Variants in THSD7B observed in about 807,000 individuals in gnomAD.
THSD7B encodes the protein thrombospondin type 1 domain containing 7B.
A neutral mutation model predicts 213.6 loss-of-function variants in THSD7B; 138 were observed. The ratio of observed to expected loss-of-function variants is 0.65; its 90% CI spans 0.56 to 0.74. The LOEUF (loss-of-function observed/expected upper bound fraction) is 0.74. THSD7B is among the 30% of genes least tolerant of loss of function. The pLI, the probability that THSD7B is intolerant of heterozygous loss-of-function variation, is 0.00. For synonymous variants in THSD7B, 742 were observed against 687.0 expected (o/e 1.08, Z -1.25); for missense variants, 1,931 against 1,991.5 (o/e 0.97, Z 0.58).
intron 7 of THSD7B, among the ~76,000 whole-genome samples, chr2:137,194,416 C>A (rs1680720398): frequency 6.6e-6 from 1 of 152,202 alleles, no homozygotes; most frequent in Non-Finnish European, 1.5e-5. Flanking sequence ...GACTTAAAAA[C>A]CCACACATGA....
At chr2:137,052,066 A>G (rs1487640878) in intron 2 of THSD7B, among the ~76,000 whole-genome samples, 1 of 152,218 alleles carries the variant, frequency 6.6e-6, no homozygotes, top group Non-Finnish European at 1.5e-5. Context: ...ACAGGCAGAA[A>G]AAAAGACAAA....
intron 20 of THSD7B, among the ~76,000 whole-genome samples, chr2:137,627,789 T>C (rs1185505981): frequency 1.3e-5 from 2 of 152,174 alleles, no homozygotes; most frequent in East Asian, 3.9e-4. Flanking sequence ...TGTCCAACAA[T>C]AATATGTAAT....
chr2:137,623,528 G>C (rs1682562015), intron 20 of THSD7B, among the ~76,000 whole-genome samples: 1 of 152,154 alleles, frequency 6.6e-6, no homozygotes, highest in South Asian at 2.1e-4. Context: ...AGGAAAAGAG[G>C]AAGTCAAATT....
At chr2:137,116,999 G>A (rs1321570993) in intron 5 of THSD7B, among the ~76,000 whole-genome samples, 1 of 152,184 alleles carries the variant, frequency 6.6e-6, no homozygotes, top group Non-Finnish European at 1.5e-5. Flanking sequence ...CAGGGGGAAA[G>A]GCTGGATGTG....
intron 1 of THSD7B, among the ~76,000 whole-genome samples, chr2:136,792,024 C>T (rs1681973613): frequency 6.6e-6 from 1 of 152,038 alleles, no homozygotes; most frequent in South Asian, 2.1e-4. Flanking sequence ...TTCTCCACCT[C>T]CTTGCTAACC....
chr2:137,254,775 C>T (rs1201303444), intron 10 of THSD7B, among the ~76,000 whole-genome samples: 1 of 152,020 alleles, frequency 6.6e-6, no homozygotes, highest in East Asian at 1.9e-4. Context: ...ATTTTTTCTA[C>T]CCCAAGTAAA....
At chr2:137,146,768 G>T (rs184076097) in intron 5 of THSD7B, among the ~76,000 whole-genome samples, 1 of 152,196 alleles carries the variant, frequency 6.6e-6, no homozygotes, top group Admixed American at 6.5e-5. Context: ...TATCATAAGG[G>T]AGGAAAAGAC....
At chr2:137,437,701 G>C (rs1317035971) in intron 14 of THSD7B, among the ~76,000 whole-genome samples, 1 of 152,122 alleles carries the variant, frequency 6.6e-6, no homozygotes, top group Non-Finnish European at 1.5e-5. Flanking sequence ...AGATTTCAAT[G>C]TAACTGTTTT....
chr2:137,578,167 C>T (rs566482356), intron 17 of THSD7B, among the ~76,000 whole-genome samples: 22 of 152,206 alleles, frequency 1.4e-4, no homozygotes, highest in Admixed American at 5.2e-4. Flanking sequence ...ATGAAAGGAA[C>T]GAGATTCCAA....
At position 137,225,505 on chromosome 2, in the gene THSD7B, C is replaced by T. The variant is rs150254434; in HGVS notation, c.1724-5539C>T. Among the ~76,000 whole-genome samples the T allele has an allele frequency of 7.5e-3, 1,146 of 152,272 alleles. 4 individuals carry two copies. The highest frequency in any genetic ancestry group is 0.015 in the Admixed American group (232 of 15,298). ...CAATGGATAAGAACTGAGCTTATTA[C>T]ATATTGCAGATCTGCTTTCCAAACC... On this transcript the variant is annotated intron_variant, in intron 7 of 27. Coordinates refer to ENST00000409968, the MANE Select transcript of THSD7B (RefSeq NM_001316349.2).
intron 2 of THSD7B, among the ~76,000 whole-genome samples, chr2:136,978,984 G>A (rs776096722): frequency 2.0e-5 from 3 of 151,568 alleles, no homozygotes; most frequent in African/African-American, 4.8e-5. Context: ...AGCCAGGCCT[G>A]GTGGTGATGA....
chr2:137,147,995 G>C (rs1232202560), intron 5 of THSD7B, among the ~76,000 whole-genome samples: 2 of 151,996 alleles, frequency 1.3e-5, no homozygotes, highest in South Asian at 2.1e-4. Context: ...AGTGATGTTA[G>C]GTGCTTGATA....
At chr2:137,425,099 GATAATA>G (rs35350170) in intron 14 of THSD7B, among the ~76,000 whole-genome samples, 22 of 147,344 alleles carry the variant, frequency 1.5e-4, no homozygotes, top group African/African-American at 4.7e-4. Context: ...TAATAATAAT[GATAATA>G]ATAATAATAC....
chr2:137,170,285 C>T (rs941072335), intron 6 of THSD7B, among the ~76,000 whole-genome samples: 15 of 152,002 alleles, frequency 9.9e-5, no homozygotes, highest in South Asian at 6.2e-4. Flanking sequence ...AGATAAATCT[C>T]GGAGCAGGAA....
intron 12 of THSD7B, among the ~76,000 whole-genome samples, chr2:137,349,194 G>A (rs1394299496): frequency 6.6e-6 from 1 of 151,630 alleles, no homozygotes. Flanking sequence ...ATTGCTTTGG[G>A]AAATCATATG....
intron 19 of THSD7B, among the ~76,000 whole-genome samples, chr2:137,619,191 C>T (rs965945053): frequency 2.0e-5 from 3 of 152,180 alleles, no homozygotes; most frequent in African/African-American, 7.2e-5. Flanking sequence ...TACTATCACA[C>T]TTCAAGAATC....
chr2:137,182,041 T>G (rs1680465708), intron 7 of THSD7B, among the ~76,000 whole-genome samples: 1 of 152,148 alleles, frequency 6.6e-6, no homozygotes, highest in Non-Finnish European at 1.5e-5. Flanking sequence ...AAACTTCAGG[T>G]AAATAGAAAA....
intron 1 of THSD7B, among the ~76,000 whole-genome samples, chr2:136,770,490 T>C (rs1681485559): frequency 6.6e-6 from 1 of 152,174 alleles, no homozygotes; most frequent in Non-Finnish European, 1.5e-5. Flanking sequence ...CTCCAGTAGG[T>C]CAATGAGTAT....
intron 1 of THSD7B, among the ~76,000 whole-genome samples, chr2:136,769,654 T>C (rs1681470235): frequency 6.6e-6 from 1 of 151,886 alleles, no homozygotes; most frequent in Non-Finnish European, 1.5e-5. Context: ...ATCGCTAAAT[T>C]CATATTAATT....
Sources: allele counts gnomAD v4.1 joint callset (sites outside exome capture counted in the v4.1 genomes callset), GRCh38; gene constraint gnomAD v4.1.1; transcripts MANE v1.5; gene names NCBI Gene and HGNC (gene_info 2026-07-23, HGNC 2026-07-21).